Variants in PCDHA8 observed in about 807,000 individuals in gnomAD.
The protein encoded by PCDHA8 is protocadherin alpha-8.
PCDHA8 carries 53 observed loss-of-function variants against 61.8 expected under a neutral mutation model. The observed-to-expected ratio is 0.86, with a 90% CI of 0.69 to 1.08. PCDHA8 has a LOEUF of 1.08. Ranked by LOEUF, PCDHA8 falls within the 50% of genes least tolerant of loss-of-function variation. The pLI is 0.00. For synonymous variants in PCDHA8, 618 were observed against 556.6 expected (o/e 1.11, Z -1.55); for missense variants, 1,293 against 1,245.0 (o/e 1.04, Z -0.58).
intron 1 of PCDHA8, chr5:140,877,656 C>T (rs782196097): frequency 4.3e-6 from 7 of 1,613,442 alleles, no homozygotes; most frequent in African/African-American, 4.0e-5. Flanking sequence ...CGCCGCCCAC[C>T]GTGAGCCGGT....
At chr5:140,906,518 A>G (rs377287696) in intron 1 of PCDHA8, among the ~76,000 whole-genome samples, 161 of 152,358 alleles carry the variant, frequency 1.1e-3, no homozygotes, top group African/African-American at 3.7e-3. Flanking sequence ...AGGAGGAAAT[A>G]CTCACGACAA....
intron 1 of PCDHA8, among the ~76,000 whole-genome samples, chr5:140,956,665 G>GCTTT (rs1273636843): frequency 1.3e-5 from 2 of 152,004 alleles, no homozygotes; most frequent in Non-Finnish European, 2.9e-5. Flanking sequence ...TGGCCTTAAA[G>GCTTT]GAGTTAGGGA....
Position 140,982,517 on chromosome 5 carries a change from A to T in PCDHA8, c.2496A>T (p.Pro832=), listed in dbSNP as rs990701966. The T allele has an allele frequency of 2.5e-5, 41 of 1,614,116 alleles. No individual in the cohort carries two copies. The highest frequency in any genetic ancestry group is 3.4e-5 in the Non-Finnish European group (40 of 1,180,048). Residue 832 remains proline, a synonymous_variant, in exon 3 of 4, where the codon CCA becomes CCT. Coordinates refer to ENST00000531613, the MANE Select transcript of PCDHA8 (RefSeq NM_018911.3). The part of the protein sequence containing the change: ...LEEAGILRAG[P]GGPDQQWPTV... ...AGGCTGGCATTCTACGGGCTGGTCC[A>T]GGAGGGCCTGATCAGCAGTGGCCAA...
intron 1 of PCDHA8, among the ~76,000 whole-genome samples, chr5:140,939,244 A>AG: frequency 6.6e-6 from 1 of 152,270 alleles, no homozygotes; most frequent in Admixed American, 6.5e-5. Flanking sequence ...GGAGCAAGGT[A>AG]GCTCTCTGGA....
chr5:140,969,366 A>C (rs1554231734), intron 1 of PCDHA8: 1 of 1,609,828 alleles, frequency 6.2e-7, no homozygotes. Context: ...CTACAAACTC[A>C]TGCATTTGTT....
In PCDHA8 at chr5:140,841,799, G is replaced by A. The variant is rs2150322924; in HGVS notation, c.478G>A (p.Ala160Thr). Residue 160 changes from alanine to threonine, a missense_variant, in exon 1 of 4, where the codon GCA becomes ACA. Coordinates refer to ENST00000531613, the MANE Select transcript of PCDHA8 (RefSeq NM_018911.3). ...SRFPLEGASD[A>T]DVGANSVLTY... ...GTTTCCGCTAGAGGGCGCGTCCGAT[G>A]CAGATGTTGGAGCTAACTCCGTGTT... is the stretch of plus-strand genomic sequence containing the variant. 2 of 1,613,942 alleles carry A rather than the reference G, an allele frequency of 1.2e-6. No homozygotes were observed. Among genetic ancestry groups the A allele is most frequent in the East Asian group, 2.2e-5 (1 of 44,888 alleles).
chr5:140,874,167 T>C lies in PCDHA8; in HGVS notation c.2394+30452T>C, dbSNP rs910574514. On this transcript the variant is annotated intron_variant, in intron 1 of 3. Coordinates refer to ENST00000531613, the MANE Select transcript of PCDHA8 (RefSeq NM_018911.3). ...TGTAGAGCCATTCTTGGTTACTCTTTCCTGGTGTTGTAAAGGTGTCATATT... is the reference window on the plus strand; with the variant it reads ...TGTAGAGCCATTCTTGGTTACTCTTCCCTGGTGTTGTAAAGGTGTCATATT... 4.6e-5 allele frequency among the ~76,000 whole-genome samples: 7 copies of C among 152,340 alleles called. No homozygotes were observed. The East Asian group carries it at 1.2e-3, about 25-fold the overall frequency.
intron 1 of PCDHA8, chr5:140,882,754 T>C: frequency 1.2e-6 from 2 of 1,614,228 alleles, no homozygotes; most frequent in South Asian, 1.1e-5. Flanking sequence ...ATGCAGATAT[T>C]GGAGTAAACT....
In PCDHA8 at chr5:140,924,908, AAAT is replaced by A. The variant is rs1554202345; in HGVS notation, c.2395-54038_2395-54036del. ...AGAACCTGTCTCAAAAAAAAAAATA[AAAT>A]AAAATAAAATAAAATAAAATAAAAT... On this transcript the variant is annotated intron_variant, in intron 1 of 3. Coordinates refer to ENST00000531613, the MANE Select transcript of PCDHA8 (RefSeq NM_018911.3). Among the ~76,000 whole-genome samples the A allele has an allele frequency of 9.0e-4, 53 of 58,926 alleles. 1 individual carries two copies. The highest frequency in any genetic ancestry group is 2.8e-3 in the African/African-American group (51 of 18,360). The allele number at this position is 58,926 out of a possible 152,430, so 38.7% of individuals were successfully genotyped here. A position where few individuals can be genotyped will look rare whatever the true frequency, so the allele number is the denominator to read the frequency against.
In PCDHA8 at chr5:140,842,621, T is replaced by C; in HGVS notation, c.1300T>C (p.Ser434Pro). The change falls in exon 1 of 4, where the codon TCG becomes CCG. Residue 434 changes from serine (S) to proline (P), a missense_variant. Physicochemically the swap from Ser to Pro is moderately conservative, Grantham distance 74. Transcript: ENST00000531613. ...AACCGCGCGGGACGGGGGCTCGCCT[T>C]CGCTGTGGGCCACCGCCAGCTTGTC... ...VVTARDGGSP[S>P]LWATASLSVE... 6.3e-7 allele frequency: 1 copy of C among 1,576,496 alleles called. No homozygotes were observed. The highest frequency in any genetic ancestry group is 2.2e-5 in the East Asian group (1 of 44,646).
At position 140,842,264 on chromosome 5, in the gene PCDHA8, T is replaced by G; in HGVS notation, c.943T>G (p.Leu315Val). The G allele has an allele frequency of 1.9e-6, 3 of 1,610,762 alleles. No homozygotes were observed. The South Asian group carries it at 3.3e-5, about 18-fold the overall frequency. Reference sequence around the variant, plus strand: ...TAATTTGGATTTTGAACAAGAAAACTTATACAAAATCCTCATTGACGCCAC... The same window carrying G: ...TAATTTGGATTTTGAACAAGAAAACGTATACAAAATCCTCATTGACGCCAC... Reference protein sequence around the residue: ...RGNLDFEQENLYKILIDATDK... With the variant: ...RGNLDFEQENVYKILIDATDK... The change falls in exon 1 of 4, where the codon TTA (leucine) becomes GTA (valine). Residue 315 changes from leucine (L) to valine (V), a missense_variant. Leu to Val is a conservative substitution (Grantham distance 32). Transcript: ENST00000531613.
chr5:140,850,103 C>A lies in PCDHA8; in HGVS notation c.2394+6388C>A, dbSNP rs2150467019. On this transcript the variant is annotated intron_variant, in intron 1 of 3. Transcript: ENST00000531613. Reference sequence around the variant, plus strand: ...TGGAGCTGCTACAGTTCCAGGTGAGCGCGCGCGACGCGGGCGTGCCGCCTC... The same window carrying A: ...TGGAGCTGCTACAGTTCCAGGTGAGAGCGCGCGACGCGGGCGTGCCGCCTC... The A allele has an allele frequency of 1.7e-5, 27 of 1,595,988 alleles. 3 individuals are homozygous for A. The highest frequency in any genetic ancestry group is 2.2e-5 in the East Asian group (1 of 44,852).
intron 1 of PCDHA8, chr5:140,850,309 C>G (rs781788388): frequency 6.3e-7 from 1 of 1,596,972 alleles, no homozygotes; most frequent in East Asian, 2.2e-5. Flanking sequence ...GGCTACAACG[C>G]GTGGCTTTCA....
At chr5:140,936,628 T>C (rs1208761817) in intron 1 of PCDHA8, among the ~76,000 whole-genome samples, 5 of 152,258 alleles carry the variant, frequency 3.3e-5, no homozygotes, top group Non-Finnish European at 7.3e-5. Flanking sequence ...GTGCTACCTT[T>C]GTCATAAGCA....
rs2150314365 is a variant in PCDHA8 at position 140,841,377 on chromosome 5, T to C, written c.56T>C (p.Leu19Pro). Residue 19 changes from leucine (L) to proline (P), a missense_variant, in exon 1 of 4, where the codon CTG (leucine) becomes CCG (proline). By Grantham distance (98) the Leu-to-Pro change is moderately conservative. Transcript: ENST00000531613. ...TCCTGGCGACTACTACTCTTGCTTC[T>C]GCTCCTCGCAGCCTGGAAGGTGGGG... is the stretch of plus-strand genomic sequence containing the variant. ...LGSWRLLLLLLLLAAWKVGSG... is the reference protein window; with the variant it reads ...LGSWRLLLLLPLLAAWKVGSG... 2.2e-5 allele frequency: 35 copies of C among 1,613,546 alleles called. No homozygotes were observed. The South Asian group carries it at 2.3e-4, about 11-fold the overall frequency.
At chr5:140,967,236 T>C (rs142898054) in intron 1 of PCDHA8, 53 of 1,613,562 alleles carry the variant, frequency 3.3e-5, no homozygotes, top group Non-Finnish European at 4.2e-5. Context: ...CAGCTTCAGG[T>C]AAGCGAATCG....
chr5:140,870,061 C>G, intron 1 of PCDHA8: 1 of 1,613,758 alleles, frequency 6.2e-7, no homozygotes, highest in Non-Finnish European at 8.5e-7. Flanking sequence ...AATTGAAGTA[C>G]AGGCTACAGA....
chr5:140,851,635 T>TG lies in PCDHA8; in HGVS notation c.2394+7920_2394+7921insG, dbSNP rs758488624. On this transcript the variant is annotated intron_variant, in intron 1 of 3. Coordinates refer to ENST00000531613, the MANE Select transcript of PCDHA8 (RefSeq NM_018911.3). ...AGAAAATGCTTTTTAAACAAGTGTTTCCTTTCTTCAAGAAGACATTCTCCT... is the reference window on the plus strand; with the variant it reads ...AGAAAATGCTTTTTAAACAAGTGTTTGCCTTTCTTCAAGAAGACATTCTCCT... 201 of 917,124 alleles carry TG rather than the reference T, an allele frequency of 2.2e-4. 10 individuals are homozygous for TG. The highest frequency in any genetic ancestry group is 3.2e-4 in the Admixed American group (5 of 15,868). The allele number at this position is 917,124 out of a possible 1,614,324, so 56.8% of individuals were successfully genotyped here. A position where few individuals can be genotyped will look rare whatever the true frequency, so the allele number is the denominator to read the frequency against.
chr5:140,919,821 T>C (rs944662452), intron 1 of PCDHA8, among the ~76,000 whole-genome samples: 1 of 152,230 alleles, frequency 6.6e-6, no homozygotes, highest in Non-Finnish European at 1.5e-5. Flanking sequence ...CAAAAATATA[T>C]GTCCACATAG....
Sources: allele counts gnomAD v4.1 joint callset (sites outside exome capture counted in the v4.1 genomes callset), GRCh38; gene constraint gnomAD v4.1.1; transcripts MANE v1.5; gene names NCBI Gene and HGNC (gene_info 2026-07-23, HGNC 2026-07-21).